NCR1: variants seen among roughly 807,000 people sequenced by gnomAD.
The protein encoded by NCR1 is NK cell-activating receptor.
NCR1 carries 30 observed loss-of-function variants against 32.5 expected under a neutral mutation model. The observed-to-expected ratio is 0.92, with a 90% confidence interval of 0.69 to 1.25. NCR1 has a LOEUF of 1.25. NCR1 is among the 50% of genes most tolerant of loss of function. The pLI is 0.00. For synonymous variants in NCR1, 169 were observed against 143.4 expected (o/e 1.18, Z -1.28); for missense variants, 369 against 380.7 (o/e 0.97, Z 0.26).
intron 3 of NCR1, among the ~76,000 whole-genome samples, chr19:54,907,465 T>TAA (rs58941827): frequency 0.43 from 56,383 of 129,920 alleles, 12,236 homozygotes; most frequent in Non-Finnish European, 0.5. Flanking sequence ...GGTGGTTTTC[T>TAA]AAAAAAAAAA....
chr19:54,933,710 C>A, the NCR1 span: 1 of 1,614,216 alleles, frequency 6.2e-7, no homozygotes, highest in Admixed American at 1.7e-5. Flanking sequence ...GTCCTTGCAA[C>A]TGGCTTCTGT....
chr19:54,930,703 C>T, the NCR1 span: 2 of 1,568,970 alleles, frequency 1.3e-6, no homozygotes, highest in Non-Finnish European at 1.8e-6. Flanking sequence ...CCTGTTATCC[C>T]TCTGGCTAAC....
intron 3 of NCR1, 151 bp from the exon 4 acceptor site, chr19:54,909,094 C>T (rs372119640): frequency 1.7e-5 from 12 of 686,706 alleles, no homozygotes; most frequent in African/African-American, 3.6e-5. Flanking sequence ...CGCTTGAACC[C>T]GGGAGGCGGA....
chr19:54,935,472 G>A, the NCR1 span, among the ~76,000 whole-genome samples: 7 of 152,116 alleles, frequency 4.6e-5, no homozygotes, highest in Non-Finnish European at 7.4e-5. Flanking sequence ...GAGACAGGCG[G>A]ATCACTTGAG....
chr19:54,919,270 C>G (rs1397748188), downstream of NCR1, among the ~76,000 whole-genome samples: 1 of 152,120 alleles, frequency 6.6e-6, no homozygotes, highest in African/African-American at 2.4e-5. Context: ...ACCACCAATG[C>G]GCGGAGACCG....
chr19:54,900,608 C>T, the NCR1 span, among the ~76,000 whole-genome samples: 1 of 152,054 alleles, frequency 6.6e-6, no homozygotes, highest in East Asian at 1.9e-4. Flanking sequence ...GTCTGGATCA[C>T]CTGACCTGGT....
the NCR1 span, among the ~76,000 whole-genome samples, chr19:54,926,043 CA>C: frequency 6.9e-6 from 1 of 145,956 alleles, no homozygotes; most frequent in African/African-American, 2.5e-5. Context: ...GACTCCGTCT[CA>C]AAAAAAAGAC....
the NCR1 span, among the ~76,000 whole-genome samples, chr19:54,934,040 T>C: frequency 6.6e-6 from 1 of 152,052 alleles, no homozygotes; most frequent in African/African-American, 2.4e-5. This position sits in a 1 kb window ranked among gnomAD's most constrained non-coding sequence, Gnocchi z 6.7. Flanking sequence ...GCCTCCCAGG[T>C]TTACACCATT....
rs2068012226 is a variant in NCR1 at position 54,912,261 on chromosome 19, G to A, written c.733+43G>A. ...GCCATAGGCTCTGAAGGAAGGGGCT[G>A]GGCATAGAGTAGACCTAGGAAGGGA... On this transcript the variant is annotated intron_variant, in intron 6 of 6. Transcript: ENST00000291890. 3 of 1,581,288 alleles carry A rather than the reference G, an allele frequency of 1.9e-6. No individual in the cohort carries two copies. In the African/African-American group the frequency reaches 4.0e-5, roughly 21 times the overall value.
At chr19:54,934,021 C>CA in the NCR1 span, among the ~76,000 whole-genome samples, 2 of 152,184 alleles carry the variant, frequency 1.3e-5, no homozygotes, top group African/African-American at 2.4e-5. This position sits in a 1 kb window ranked among gnomAD's most constrained non-coding sequence, Gnocchi z 6.7. Context: ...CGGTTCACTG[C>CA]CAATCGCCGC....
At chr19:54,910,429 G>T (rs1319540451) in intron 5 of NCR1, among the ~76,000 whole-genome samples, 4 of 151,876 alleles carry the variant, frequency 2.6e-5, no homozygotes, top group Non-Finnish European at 5.9e-5. Flanking sequence ...AATTAGCCGG[G>T]CCTGGTGGTG....
intron 3 of NCR1, among the ~76,000 whole-genome samples, chr19:54,908,178 GTGGT>G (rs1333549061): frequency 6.6e-6 from 1 of 152,118 alleles, no homozygotes; most frequent in Non-Finnish European, 1.5e-5. Context: ...AGATTAGGGA[GTGGT>G]GATGACTCTT....
chr19:54,919,486 T>A (rs1423846114), downstream of NCR1, among the ~76,000 whole-genome samples: 3 of 152,242 alleles, frequency 2.0e-5, no homozygotes, highest in Non-Finnish European at 4.4e-5. Flanking sequence ...TATTTCTGCA[T>A]ATCAGGGACT....
intron 3 of NCR1, among the ~76,000 whole-genome samples, chr19:54,907,645 G>A (rs1010777495): frequency 1.3e-5 from 2 of 151,958 alleles, no homozygotes; most frequent in African/African-American, 4.8e-5. Context: ...AGGCTATGAT[G>A]TCATCAGGCA....
chr19:54,936,288 T>C, the NCR1 span: 3 of 1,613,746 alleles, frequency 1.9e-6, no homozygotes, highest in Non-Finnish European at 2.5e-6. Context: ...GCATTTATGA[T>C]TTCTGAGCAG....
the NCR1 span, among the ~76,000 whole-genome samples, chr19:54,928,402 C>G: frequency 6.6e-6 from 1 of 151,824 alleles, no homozygotes. Context: ...TCAAACAAAA[C>G]AAAACAAAAA....
At chr19:54,901,304 A>C (rs77046104), upstream of NCR1, among the ~76,000 whole-genome samples, 124,908 of 141,706 alleles carry the variant, frequency 0.88, 55,306 homozygotes, top group Non-Finnish European at 0.91. Context: ...GAGCTTGCAG[A>C]GAGCCGAGAT....
chr19:54,933,434 C>G, the NCR1 span: 1 of 1,135,584 alleles, frequency 8.8e-7, no homozygotes, highest in Non-Finnish European at 1.3e-6. Flanking sequence ...CATGAGCCAC[C>G]ACGCCTGGCC....
At chr19:54,935,965 G>C in the NCR1 span, among the ~76,000 whole-genome samples, 1 of 152,220 alleles carries the variant, frequency 6.6e-6, no homozygotes, top group Admixed American at 6.6e-5. Flanking sequence ...AAGGCTGGGG[G>C]CCACTGCTCT....
Sources: gnomAD v4.1 joint callset for allele counts (sites outside exome capture counted in the v4.1 genomes callset) on GRCh38, gnomAD v4.1.1 for gene constraint, Gnocchi (gnomAD v3.1) non-coding constraint, MANE v1.5 for transcripts, NCBI Gene and HGNC (gene_info 2026-07-23, HGNC 2026-07-21) for gene names.